Variants in KLF12 observed in about 807,000 individuals in gnomAD.
The protein encoded by KLF12 is KLF transcription factor 12.
In KLF12, 9 loss-of-function variants were observed where a neutral mutation model predicts 37.8. That is an observed-to-expected ratio of 0.24 (90% CI 0.14 to 0.42). The LOEUF is 0.42. KLF12 is among the 10% of genes least tolerant of loss of function. KLF12 has a pLI of 1.00. For synonymous variants in KLF12, 208 were observed against 202.1 expected, an observed-to-expected ratio of 1.03 and a Z score of -0.25; for missense variants, 411 against 516.0, an observed-to-expected ratio of 0.80 and a Z score of 1.97.
At chr13:74,041,190 C>T (rs1052795558) in intron 1 of KLF12, among the ~76,000 whole-genome samples, 1 of 152,210 alleles carries the variant, frequency 6.6e-6, no homozygotes, top group Non-Finnish European at 1.5e-5. Context: ...AATCCCACCT[C>T]CTTCACATCC....
rs1303056201 is a variant in KLF12 at position 73,741,640 on chromosome 13, G to A, written c.869+23298C>T. Among the ~76,000 whole-genome samples the A allele has an allele frequency of 2.0e-5, 3 of 152,236 alleles. No homozygotes were observed. In the East Asian group the frequency reaches 5.8e-4, roughly 29 times the overall value. On this transcript the variant is annotated intron_variant, in intron 6 of 7. Transcript: ENST00000377669. ...ATTATTTCAATTTCAAGTATGTTAA[G>A]GCTAATCTAAGAGGATTACAACCCT...
chr13:74,235,428 A>T, the KLF12 span, among the ~76,000 whole-genome samples: 11 of 152,224 alleles, frequency 7.2e-5, no homozygotes, highest in Non-Finnish European at 1.6e-4. Context: ...TTTACTTTTT[A>T]TCACACAGCT....
At chr13:74,080,421 C>G (rs929988656) in intron 1 of KLF12, among the ~76,000 whole-genome samples, 26 of 151,944 alleles carry the variant, frequency 1.7e-4, no homozygotes, top group Admixed American at 1.6e-3. Context: ...ACACTCAAGT[C>G]TGGGTGACAA....
At chr13:73,847,230 T>C (rs1885079088) in intron 3 of KLF12, among the ~76,000 whole-genome samples, 1 of 152,144 alleles carries the variant, frequency 6.6e-6, no homozygotes, top group Non-Finnish European at 1.5e-5. Context: ...AGAGTACTAT[T>C]AGTGGTGTCA....
At chr13:74,214,653 T>C in the KLF12 span, among the ~76,000 whole-genome samples, 1 of 151,114 alleles carries the variant, frequency 6.6e-6, no homozygotes, top group African/African-American at 2.4e-5. Context: ...TTTTTTTTTT[T>C]CTAAAAATCT....
intron 2 of KLF12, among the ~76,000 whole-genome samples, chr13:73,951,916 C>T (rs991479917): frequency 9.2e-5 from 14 of 152,192 alleles, no homozygotes; most frequent in Non-Finnish European, 7.3e-5. Context: ...TACTCCTATC[C>T]TAGCCTTGAA....
At chr13:74,142,278 G>A in the KLF12 span, among the ~76,000 whole-genome samples, 1 of 152,150 alleles carries the variant, frequency 6.6e-6, no homozygotes, top group East Asian at 1.9e-4. Context: ...TTTAAAAGTT[G>A]GATAAGCAAG....
chr13:73,783,669 A>C (rs577335377), intron 5 of KLF12, among the ~76,000 whole-genome samples: 1 of 152,160 alleles, frequency 6.6e-6, no homozygotes, highest in South Asian at 2.1e-4. Flanking sequence ...AATTGCTGTG[A>C]AATGCCAGTG....
Position 73,700,854 on chromosome 13 carries a change from G to A in KLF12, c.1028-5183C>T, listed in dbSNP as rs374328993. On this transcript the variant is annotated intron_variant, in intron 7 of 7. Coordinates refer to ENST00000377669, the MANE Select transcript of KLF12 (RefSeq NM_007249.5). ...CTGCATTGTGTTTTAACAGGACACT[G>A]TATCTTATGTTTGTGCTTTGAAGCA... is the stretch of plus-strand genomic sequence containing the variant. 5.3e-5 allele frequency among the ~76,000 whole-genome samples: 8 copies of A among 152,248 alleles called. No homozygotes were observed. The East Asian group carries it at 1.4e-3, about 26-fold the overall frequency.
chr13:74,266,912 CA>C, the KLF12 span, among the ~76,000 whole-genome samples: 1 of 152,104 alleles, frequency 6.6e-6, no homozygotes, highest in African/African-American at 2.4e-5. Context: ...TTAGAAGTAA[CA>C]AGAATATTTT....
At chr13:73,859,122 G>A (rs996201227) in intron 3 of KLF12, among the ~76,000 whole-genome samples, 2 of 152,124 alleles carry the variant, frequency 1.3e-5, no homozygotes, top group Non-Finnish European at 2.9e-5. Context: ...GGTCTTTTCT[G>A]GGGCAAGTGA....
the KLF12 span, among the ~76,000 whole-genome samples, chr13:74,252,189 A>C: frequency 1.3e-5 from 2 of 152,086 alleles, no homozygotes; most frequent in Non-Finnish European, 2.9e-5. Context: ...TAGATTATTG[A>C]CCTAACGCTT....
At chr13:73,829,593 T>A (rs1292265434) in intron 4 of KLF12, among the ~76,000 whole-genome samples, 1 of 152,196 alleles carries the variant, frequency 6.6e-6, no homozygotes, top group Non-Finnish European at 1.5e-5. Flanking sequence ...TAGTACCAAG[T>A]TCTTCTCTGA....
intron 1 of KLF12, among the ~76,000 whole-genome samples, chr13:74,053,284 T>G (rs1466155616): frequency 6.6e-6 from 1 of 152,226 alleles, no homozygotes; most frequent in African/African-American, 2.4e-5. Flanking sequence ...TTATTTATAC[T>G]AAATATACAT....
At chr13:74,192,861 T>C in the KLF12 span, among the ~76,000 whole-genome samples, 5 of 152,296 alleles carry the variant, frequency 3.3e-5, no homozygotes, top group African/African-American at 1.2e-4. Context: ...TATTCACCTT[T>C]CCCCACTATC....
Position 73,690,631 on chromosome 13 carries a change from G to T in KLF12, c.*4859C>A, listed in dbSNP as rs1040053334. ...CTCTATTTTGAACAGAACACGAAGA[G>T]CATGCTCTGACAAAGTTGGACAGAG... On this transcript the variant is annotated 3_prime_UTR_variant, in exon 8 of 8. Transcript: ENST00000377669. 6.6e-6 allele frequency: 1 copy of T among 152,164 alleles called. No individual in the cohort carries two copies. The highest frequency in any genetic ancestry group is 1.5e-5 in the Non-Finnish European group (1 of 68,000). The allele number at this position is 152,164 out of a possible 1,614,324, so 9.4% of individuals were successfully genotyped here. A position where few individuals can be genotyped will look rare whatever the true frequency, so the allele number is the denominator to read the frequency against.
chr13:73,894,428 T>C (rs570150479), intron 3 of KLF12, among the ~76,000 whole-genome samples: 22 of 152,154 alleles, frequency 1.4e-4, no homozygotes, highest in Non-Finnish European at 3.1e-4. Flanking sequence ...ACCAATATCA[T>C]CTACTTTTTT....
chr13:74,241,051 TG>T, the KLF12 span, among the ~76,000 whole-genome samples: 1 of 152,204 alleles, frequency 6.6e-6, no homozygotes, highest in Non-Finnish European at 1.5e-5. Context: ...GTTTCTGCTC[TG>T]TTTTTTCCCC....
chr13:73,741,418 T>G (rs1877970015), intron 6 of KLF12, among the ~76,000 whole-genome samples: 1 of 152,212 alleles, frequency 6.6e-6, no homozygotes, highest in South Asian at 2.1e-4. Context: ...AAGGCTTAGA[T>G]GCTGGTTTCC....
Sources: gnomAD v4.1 joint callset for allele counts (sites outside exome capture counted in the v4.1 genomes callset) on GRCh38, gnomAD v4.1.1 for gene constraint, MANE v1.5 for transcripts, NCBI Gene and HGNC (gene_info 2026-07-23, HGNC 2026-07-21) for gene names.